The following ROR1 variants were observed in gnomAD, a reference collection of about 807,000 sequenced individuals.
ROR1 encodes inactive tyrosine-protein kinase transmembrane receptor ROR1.
Under a neutral mutation model 78.8 loss-of-function variants are expected in ROR1, and 19 were observed. The observed-to-expected ratio is 0.24, with a 90% CI of 0.17 to 0.35. The LOEUF (loss-of-function observed/expected upper bound fraction) is 0.35, where lower values mean the gene tolerates loss of function less well. ROR1 is among the 10% of genes least tolerant of loss of function. ROR1 has a pLI of 1.00. For synonymous variants in ROR1, 386 were observed against 433.6 expected, an observed-to-expected ratio of 0.89 and a Z score of 1.36; for missense variants, 917 against 1,177.8, an observed-to-expected ratio of 0.78 and a Z score of 3.24.
intron 1 of ROR1, among the ~76,000 whole-genome samples, chr1:64,007,143 A>G (rs1321767539): frequency 6.6e-6 from 1 of 152,162 alleles, no homozygotes; most frequent in African/African-American, 2.4e-5. Flanking sequence ...CTTCCACTTA[A>G]TAAAGTTCAT....
rs533212530 is a variant in ROR1, at chr1:63,780,170, A to AT, written c.91+5675dup. 4.0e-3 allele frequency among the ~76,000 whole-genome samples: 583 copies of AT among 145,462 alleles called. 2 individuals carry two copies. The highest frequency in any genetic ancestry group is 0.013 in the African/African-American group (500 of 39,900). On this transcript the variant is annotated intron_variant, in intron 1 of 8. Transcript: ENST00000371079. Reference sequence around the variant, plus strand: ...CCTGCTTCTCTCCATAGAACCATAGATTTTTTTTTTTTTAAGAGAGAGAGG... The same window carrying AT: ...CCTGCTTCTCTCCATAGAACCATAGATTTTTTTTTTTTTTAAGAGAGAGAGG...
chr1:63,950,100 TAAGTGGACCAGTTACCAGA>T (rs1645923247), intron 1 of ROR1, among the ~76,000 whole-genome samples: 1 of 152,156 alleles, frequency 6.6e-6, no homozygotes, highest in Non-Finnish European at 1.5e-5. Context: ...AGATTCTGAT[TAAGTGGACCAGTTACCAGA>T]AAGCAGCCCC....
At chr1:63,837,350 T>C (rs1645023895) in intron 1 of ROR1, among the ~76,000 whole-genome samples, 1 of 152,304 alleles carries the variant, frequency 6.6e-6, no homozygotes, top group Admixed American at 6.5e-5. Context: ...ACTGGTTGCA[T>C]GTGGAGTAAT....
chr1:64,109,014 C>T (rs561434009), intron 4 of ROR1, among the ~76,000 whole-genome samples: 2 of 152,280 alleles, frequency 1.3e-5, no homozygotes, highest in African/African-American at 4.8e-5. Flanking sequence ...ATCACAGTCT[C>T]TAGAGCTTGG....
chr1:64,015,334 A>G (rs993009461), intron 2 of ROR1, among the ~76,000 whole-genome samples: 3 of 152,146 alleles, frequency 2.0e-5, no homozygotes, highest in East Asian at 1.9e-4. Context: ...TAGCATGTCT[A>G]TGGGATTCAT....
chr1:63,807,622 A>G (rs1344017755), intron 1 of ROR1, among the ~76,000 whole-genome samples: 4 of 152,122 alleles, frequency 2.6e-5, no homozygotes, highest in Non-Finnish European at 5.9e-5. Flanking sequence ...ATATTTTGTT[A>G]TATCATCTTT....
intron 1 of ROR1, among the ~76,000 whole-genome samples, chr1:63,890,167 T>TCTATCTG (rs1195634886): frequency 2.0e-5 from 3 of 152,042 alleles, no homozygotes; most frequent in African/African-American, 7.2e-5. Flanking sequence ...AATGTAAACA[T>TCTATCTG]CTATCTGCTT....
chr1:64,170,449 A>T (rs1317523289), intron 8 of ROR1, among the ~76,000 whole-genome samples: 3 of 152,164 alleles, frequency 2.0e-5, no homozygotes, highest in Non-Finnish European at 2.9e-5. Flanking sequence ...GACTGCACAC[A>T]GCAGAGGGAC....
intron 1 of ROR1, among the ~76,000 whole-genome samples, chr1:63,835,587 C>T (rs1436159373): frequency 2.0e-5 from 3 of 152,166 alleles, no homozygotes; most frequent in African/African-American, 7.2e-5. Flanking sequence ...TGAGATGATT[C>T]AGTCACTCAT....
rs548664976 is a variant in ROR1, at chr1:64,118,939, G to A, written c.483-18430G>A. On this transcript the variant is annotated intron_variant, in intron 4 of 8. Transcript: ENST00000371079. ...AAAGTCCAGCACGTGGACCATAAAT[G>A]TTGTCATGGTTTGACAGTATTAATG... Among the ~76,000 whole-genome samples the A allele has an allele frequency of 1.3e-4, 20 of 152,214 alleles. No individual in the cohort carries two copies. The South Asian group carries it at 3.5e-3, about 27-fold the overall frequency.
chr1:64,165,441 T>A (rs746105856), intron 8 of ROR1, among the ~76,000 whole-genome samples: 14 of 152,174 alleles, frequency 9.2e-5, no homozygotes, highest in Non-Finnish European at 1.2e-4. Context: ...TTTCTTTAAA[T>A]TCCTTAGAAA....
At chr1:64,131,985 G>A (rs946663946) in intron 4 of ROR1, among the ~76,000 whole-genome samples, 1 of 152,030 alleles carries the variant, frequency 6.6e-6, no homozygotes, top group African/African-American at 2.4e-5. Context: ...TTGTATAACC[G>A]CCACATCTGT....
Position 63,877,539 on chromosome 1 carries a change from C to A in ROR1, c.91+103031C>A, listed in dbSNP as rs566247204. Among the ~76,000 whole-genome samples, 19 of 152,110 alleles carry A rather than the reference C, an allele frequency of 1.2e-4. No individual in the cohort carries two copies. The South Asian group carries it at 3.7e-3, about 30-fold the overall frequency. On this transcript the variant is annotated intron_variant, in intron 1 of 8. Transcript: ENST00000371079. The stretch of plus-strand genomic sequence containing the variant: ...TGTAAAATTGTGGTAAAGGGATTGG[C>A]CCTGGAGGGAGTAGGGTGAGGTGGC...
At chr1:64,028,874 T>G (rs1260937011) in intron 2 of ROR1, 1 of 152,190 alleles carries the variant, frequency 6.6e-6, no homozygotes, top group Non-Finnish European at 1.5e-5. Flanking sequence ...CTATCAATAC[T>G]AAGTCTTATT....
At position 64,100,180 on chromosome 1, in the gene ROR1, AT is replaced by A. The variant is rs398053059; in HGVS notation, c.483-37181del. On this transcript the variant is annotated intron_variant, in intron 4 of 8. Transcript: ENST00000371079. ...ATTCAGTTGACTTTATTGATTTGGTATTTTTTTTAAAAAAAAGTTGACCATG... is the reference window on the plus strand; with the variant it reads ...ATTCAGTTGACTTTATTGATTTGGTATTTTTTTAAAAAAAAGTTGACCATG... Among the ~76,000 whole-genome samples the A allele has an allele frequency of 3.9e-4, 59 of 151,754 alleles. No individual in the cohort carries two copies. The South Asian group carries it at 0.012, about 31-fold the overall frequency.
intron 4 of ROR1, among the ~76,000 whole-genome samples, chr1:64,068,979 C>T (rs941214230): frequency 6.6e-6 from 1 of 152,078 alleles, no homozygotes; most frequent in Non-Finnish European, 1.5e-5. Flanking sequence ...TTTTTATATT[C>T]TATAAGCTAA....
chr1:63,825,798 C>A (rs1469622602), intron 1 of ROR1, among the ~76,000 whole-genome samples: 1 of 151,908 alleles, frequency 6.6e-6, no homozygotes, highest in Non-Finnish European at 1.5e-5. Context: ...TGTTTATTTC[C>A]TTTTACGCCA....
rs151283105 is a variant in ROR1 at position 63,961,049 on chromosome 1, C to T, written c.92-48256C>T. On this transcript the variant is annotated intron_variant, in intron 1 of 8. Transcript: ENST00000371079. Reference sequence around the variant, plus strand: ...ACTAGCATTTTCTTTTCTTTCTTACCTTTCCTTTCTTTTTTCTTTCTCTTT... The same window carrying T: ...ACTAGCATTTTCTTTTCTTTCTTACTTTTCCTTTCTTTTTTCTTTCTCTTT... 2.3e-3 allele frequency among the ~76,000 whole-genome samples: 345 copies of T among 152,188 alleles called. 1 individual carries two copies. The highest frequency in any genetic ancestry group is 8.0e-3 in the African/African-American group (334 of 41,522).
chr1:63,937,436 C>T (rs78595924), intron 1 of ROR1, among the ~76,000 whole-genome samples: 2,028 of 152,292 alleles, frequency 0.013, 44 homozygotes, highest in African/African-American at 0.047. Flanking sequence ...GAGTTCATTG[C>T]ATAATCTCTA....
Sources: allele counts gnomAD v4.1 joint callset (sites outside exome capture counted in the v4.1 genomes callset), GRCh38; gene constraint gnomAD v4.1.1; transcripts MANE v1.5; gene names NCBI Gene and HGNC (gene_info 2026-07-23, HGNC 2026-07-21).